Variants in KHDRBS2 observed in about 807,000 individuals in gnomAD.
KHDRBS2 encodes the protein KH RNA binding domain containing, signal transduction associated 2.
A neutral mutation model predicts 44.3 loss-of-function variants in KHDRBS2; 26 were observed. The ratio of observed to expected loss-of-function variants is 0.59; its 90% confidence interval spans 0.43 to 0.81. The LOEUF is 0.81. Among genes scored for constraint, KHDRBS2 ranks in the 40% least tolerant of loss-of-function variants. The pLI, the probability that KHDRBS2 is intolerant of heterozygous loss-of-function variation, is 0.00. For missense variants in KHDRBS2, 476 were observed against 433.1 expected, an observed-to-expected ratio of 1.10 and a Z score of -0.88; for synonymous variants, 194 against 151.1, an observed-to-expected ratio of 1.28 and a Z score of -2.08.
the KHDRBS2 span, among the ~76,000 whole-genome samples, chr6:61,605,443 C>CAG: frequency 6.6e-6 from 1 of 152,184 alleles, no homozygotes; most frequent in South Asian, 2.1e-4. Flanking sequence ...TCTTTGCTGG[C>CAG]AGGATATGCT....
intron 1 of KHDRBS2, among the ~76,000 whole-genome samples, chr6:62,205,238 A>G (rs1314914347): frequency 6.6e-6 from 1 of 152,160 alleles, no homozygotes; most frequent in African/African-American, 2.4e-5. Flanking sequence ...AAAGTCTTTC[A>G]TTAATGACCC....
chr6:62,044,275 G>A (rs796400631), intron 3 of KHDRBS2, among the ~76,000 whole-genome samples: 20 of 151,892 alleles, frequency 1.3e-4, no homozygotes, highest in African/African-American at 4.6e-4. Flanking sequence ...CAGGAGTTCA[G>A]GACCAGCCTG....
chr6:62,000,122 A>AGT (rs142429684), intron 3 of KHDRBS2, among the ~76,000 whole-genome samples: 253 of 150,510 alleles, frequency 1.7e-3, no homozygotes, highest in East Asian at 5.1e-3. Context: ...CAATTGTGTG[A>AGT]GTGTGTGTGT....
At chr6:61,733,389 G>A (rs1156535692) in intron 6 of KHDRBS2, among the ~76,000 whole-genome samples, 1 of 152,016 alleles carries the variant, frequency 6.6e-6, no homozygotes, top group Non-Finnish European at 1.5e-5. Context: ...TCAGGAGTTC[G>A]AGACCAGCCT....
At chr6:62,164,997 C>A (rs1206866712) in intron 2 of KHDRBS2, among the ~76,000 whole-genome samples, 1 of 151,742 alleles carries the variant, frequency 6.6e-6, no homozygotes, top group Non-Finnish European at 1.5e-5. Flanking sequence ...AATATGAATT[C>A]TTCTGTATAG....
chr6:61,966,377 C>A (rs1281115635), intron 4 of KHDRBS2, among the ~76,000 whole-genome samples: 2 of 151,950 alleles, frequency 1.3e-5, no homozygotes, highest in Admixed American at 1.3e-4. Context: ...TTTAGTTATG[C>A]ATTTTAATAT....
intron 1 of KHDRBS2, among the ~76,000 whole-genome samples, chr6:62,223,466 T>C (rs1585278657): frequency 6.6e-6 from 1 of 152,186 alleles, no homozygotes; most frequent in South Asian, 2.1e-4. Flanking sequence ...CCTAAGGACA[T>C]TTTCCCCATT....
intron 2 of KHDRBS2, among the ~76,000 whole-genome samples, chr6:62,137,624 A>C (rs1469822846): frequency 1.3e-5 from 2 of 152,160 alleles, no homozygotes; most frequent in Non-Finnish European, 2.9e-5. Flanking sequence ...GTTCTGTATA[A>C]AGGAAAGAGC....
At chr6:62,136,026 T>G (rs1381980053) in intron 2 of KHDRBS2, among the ~76,000 whole-genome samples, 2 of 151,214 alleles carry the variant, frequency 1.3e-5, no homozygotes, top group Admixed American at 6.6e-5. Flanking sequence ...ACTGGAAATT[T>G]GCTAAGAAAC....
intron 1 of KHDRBS2, among the ~76,000 whole-genome samples, chr6:62,179,063 G>A (rs764125831): frequency 4.6e-5 from 7 of 151,322 alleles, no homozygotes; most frequent in Admixed American, 2.0e-4. Context: ...TCCCCCAAAT[G>A]TTTTCAAATG....
At chr6:61,545,043 C>A in the KHDRBS2 span, among the ~76,000 whole-genome samples, 28 of 152,030 alleles carry the variant, frequency 1.8e-4, no homozygotes, top group South Asian at 5.8e-3. Flanking sequence ...AACAAACCTG[C>A]ACGTTGGGCA....
rs559931549 is a variant in KHDRBS2 at position 62,205,873 on chromosome 6, G to T, written c.92-28561C>A. Among the ~76,000 whole-genome samples, 5 of 152,210 alleles carry T rather than the reference G, an allele frequency of 3.3e-5. No individual in the cohort carries two copies. The East Asian group carries it at 9.7e-4, about 29-fold the overall frequency. On this transcript the variant is annotated intron_variant, in intron 1 of 8. Transcript: ENST00000281156. ...ACTGTGACAGGAAATGAAAGCGAAA[G>T]AGCAGGTTTGCTGGGATGGAGAATT...
At chr6:61,957,990 G>A (rs1050110853) in intron 4 of KHDRBS2, among the ~76,000 whole-genome samples, 2 of 152,070 alleles carry the variant, frequency 1.3e-5, no homozygotes, top group African/African-American at 4.8e-5. Flanking sequence ...AAATAGAAAA[G>A]AACCTACATG....
intron 1 of KHDRBS2, among the ~76,000 whole-genome samples, chr6:62,225,206 T>C (rs1831557566): frequency 6.6e-6 from 1 of 152,170 alleles, no homozygotes; most frequent in Admixed American, 6.5e-5. Flanking sequence ...GAAACTCTGG[T>C]CTAATCTGAT....
At chr6:61,673,115 A>C in the KHDRBS2 span, among the ~76,000 whole-genome samples, 1 of 151,804 alleles carries the variant, frequency 6.6e-6, no homozygotes, top group South Asian at 2.1e-4. Flanking sequence ...TCCTTCCCCC[A>C]TTGCTTGTTT....
the KHDRBS2 span, among the ~76,000 whole-genome samples, chr6:61,625,056 A>G: frequency 6.6e-6 from 1 of 152,076 alleles, no homozygotes; most frequent in East Asian, 1.9e-4. Flanking sequence ...CTTTTACCGT[A>G]AGGGGAGAGA....
chr6:61,955,643 T>C (rs574058230), intron 4 of KHDRBS2, among the ~76,000 whole-genome samples: 11 of 145,624 alleles, frequency 7.6e-5, no homozygotes, highest in African/African-American at 2.3e-4. Flanking sequence ...TATATACACG[T>C]ATGTATGTAT....
chr6:62,049,606 GTGA>G (rs1189246499), intron 2 of KHDRBS2, among the ~76,000 whole-genome samples: 2 of 151,864 alleles, frequency 1.3e-5, no homozygotes, highest in Non-Finnish European at 2.9e-5. Flanking sequence ...CACCCACTTT[GTGA>G]TGATATTTCT....
At chr6:61,988,708 G>GA (rs967008158) in intron 3 of KHDRBS2, among the ~76,000 whole-genome samples, 2 of 152,116 alleles carry the variant, frequency 1.3e-5, no homozygotes, top group African/African-American at 4.8e-5. Flanking sequence ...TTGAGATTGG[G>GA]AAAAATCAGA....
Sources: gnomAD v4.1 joint callset for allele counts (sites outside exome capture counted in the v4.1 genomes callset) on GRCh38, gnomAD v4.1.1 for gene constraint, MANE v1.5 for transcripts, NCBI Gene and HGNC (gene_info 2026-07-23, HGNC 2026-07-21) for gene names.